KCNT2: variants seen among roughly 807,000 people sequenced by gnomAD.
KCNT2 encodes the protein potassium sodium-activated channel subfamily T member 2.
Under a neutral mutation model 153.8 loss-of-function variants are expected in KCNT2, and 67 were observed. That is an observed-to-expected ratio of 0.44 (90% CI 0.36 to 0.53). The LOEUF (loss-of-function observed/expected upper bound fraction) is 0.53, where lower values mean the gene tolerates loss of function less well. KCNT2 is among the 20% of genes least tolerant of loss of function. The pLI is 0.00. For missense variants in KCNT2, 975 were observed against 1,354.8 expected, an observed-to-expected ratio of 0.72 and a Z score of 4.40; for synonymous variants, 500 against 458.8, an observed-to-expected ratio of 1.09 and a Z score of -1.15.
intron 22 of KCNT2, among the ~76,000 whole-genome samples, chr1:196,298,853 A>C (rs1048097906): frequency 3.3e-5 from 5 of 149,554 alleles, no homozygotes; most frequent in Admixed American, 6.8e-5. Flanking sequence ...CACACAGAAA[A>C]TTACAAGGAG....
At chr1:196,581,985 C>G (rs898348894) in intron 1 of KCNT2, among the ~76,000 whole-genome samples, 1 of 152,062 alleles carries the variant, frequency 6.6e-6, no homozygotes, top group Non-Finnish European at 1.5e-5. Context: ...AATAATACTG[C>G]CAGTTCTTCA....
At chr1:196,444,049 C>T (rs947232551) in intron 8 of KCNT2, among the ~76,000 whole-genome samples, 1 of 151,196 alleles carries the variant, frequency 6.6e-6, no homozygotes, top group Non-Finnish European at 1.5e-5. Context: ...TGAGGAACTA[C>T]ATCATTTAAT....
chr1:196,367,781 T>C (rs186439024), intron 14 of KCNT2, among the ~76,000 whole-genome samples: 12 of 152,288 alleles, frequency 7.9e-5, no homozygotes, highest in Admixed American at 2.0e-4. Context: ...TGTTTCAGGA[T>C]GCTTGAGATA....
At chr1:196,465,978 A>G (rs191781896) in intron 7 of KCNT2, among the ~76,000 whole-genome samples, 1 of 152,200 alleles carries the variant, frequency 6.6e-6, no homozygotes, top group East Asian at 1.9e-4. Flanking sequence ...ACTGTTATGA[A>G]GACAAATAAC....
At chr1:196,303,852 C>A (rs1412533999) in intron 22 of KCNT2, among the ~76,000 whole-genome samples, 1 of 152,168 alleles carries the variant, frequency 6.6e-6, no homozygotes, top group Non-Finnish European at 1.5e-5. Flanking sequence ...GGAGGCTGTA[C>A]TACTACATCA....
rs10539910 is a variant in KCNT2, at chr1:196,508,189, C to CAAAAAAAAAAAAAAAAAAAAAAAATAA, written c.96-15849_96-15848insTTATTTTTTTTTTTTTTTTTTTTTTTT. 4.2e-4 allele frequency among the ~76,000 whole-genome samples: 25 copies of CAAAAAAAAAAAAAAAAAAAAAAAATAA among 59,982 alleles called. 1 individual carries two copies. Among genetic ancestry groups the CAAAAAAAAAAAAAAAAAAAAAAAATAA allele is most frequent in the South Asian group, 6.9e-4 (1 of 1,448 alleles). 39.4% of individuals were successfully genotyped at this position (59,982 alleles called of 152,430 possible). ...TCTTTTTAAATGGTTCCCTAAGTAG[C>CAAAAAAAAAAAAAAAAAAAAAAAATAA]AAAAAAAAAAAAAAAAAAAAAAAAG... On this transcript the variant is annotated intron_variant, in intron 1 of 27. Transcript: ENST00000294725.
At chr1:196,515,140 A>T (rs910922452) in intron 1 of KCNT2, among the ~76,000 whole-genome samples, 1 of 152,200 alleles carries the variant, frequency 6.6e-6, no homozygotes, top group African/African-American at 2.4e-5. Flanking sequence ...GACTATGAGG[A>T]TTCTGTTGTA....
chr1:196,316,325 C>CGAA (rs1662717365), intron 20 of KCNT2, among the ~76,000 whole-genome samples: 3 of 151,368 alleles, frequency 2.0e-5, no homozygotes, highest in African/African-American at 7.3e-5. Context: ...GGAATACATC[C>CGAA]ATTTTGCAAT....
intron 26 of KCNT2, among the ~76,000 whole-genome samples, chr1:196,240,872 T>C (rs1654888693): frequency 6.6e-6 from 1 of 152,036 alleles, no homozygotes. Context: ...TTTGATTGCT[T>C]TGTGGGAAAT....
At chr1:196,407,965 G>A (rs1671969973) in intron 12 of KCNT2, among the ~76,000 whole-genome samples, 1 of 151,160 alleles carries the variant, frequency 6.6e-6, no homozygotes, top group African/African-American at 2.4e-5. Flanking sequence ...CTGACTGTAG[G>A]CCTCTGACCT....
At position 196,287,419 on chromosome 1, in the gene KCNT2, T is replaced by G. The variant is rs77778339; in HGVS notation, c.2596-1661A>C. On this transcript the variant is annotated intron_variant, in intron 22 of 27. Coordinates refer to ENST00000294725, the MANE Select transcript of KCNT2 (RefSeq NM_198503.5). The stretch of plus-strand genomic sequence containing the variant: ...ATAAAGTGCTGGAACGCCTGAGAAT[T>G]TGATGTTACATTTACTCTTCAAAAC... 2.5e-3 allele frequency among the ~76,000 whole-genome samples: 371 copies of G among 151,350 alleles called. 1 individual carries two copies. The highest frequency in any genetic ancestry group is 8.3e-3 in the African/African-American group (339 of 40,918).
At chr1:196,355,047 A>T (rs12751007) in intron 14 of KCNT2, among the ~76,000 whole-genome samples, 1 of 151,872 alleles carries the variant, frequency 6.6e-6, no homozygotes, top group East Asian at 1.9e-4. Flanking sequence ...GTACGGGGGT[A>T]TGTGGGGTAC....
chr1:196,280,854 C>A lies in KCNT2; in HGVS notation c.2910+6G>T. On this transcript the variant is annotated splice_donor_region_variant and intron_variant, in intron 25 of 27. Transcript: ENST00000294725. ...TCAAAACAAGAATATTTTGTTATTT[C>A]CAAACCTCAGATGTAGTAAGTTTCT... is the stretch of plus-strand genomic sequence containing the variant. 1 of 1,610,956 alleles carries A rather than the reference C, an allele frequency of 6.2e-7. No individual in the cohort carries two copies. The highest frequency in any genetic ancestry group is 8.5e-7 in the Non-Finnish European group (1 of 1,177,598).
At chr1:196,538,784 C>G (rs1655951145) in intron 1 of KCNT2, among the ~76,000 whole-genome samples, 1 of 152,176 alleles carries the variant, frequency 6.6e-6, no homozygotes, top group South Asian at 2.1e-4. Context: ...TTCTGTTTTA[C>G]TAAATTATAA....
At chr1:196,433,008 G>T (rs1674294134) in intron 8 of KCNT2, among the ~76,000 whole-genome samples, 1 of 152,070 alleles carries the variant, frequency 6.6e-6, no homozygotes, top group Non-Finnish European at 1.5e-5. Flanking sequence ...GAGGTGATAA[G>T]TCATGAGGGT....
intron 26 of KCNT2, among the ~76,000 whole-genome samples, chr1:196,246,637 G>A (rs1655475075): frequency 6.6e-6 from 1 of 152,080 alleles, no homozygotes; most frequent in African/African-American, 2.4e-5. Flanking sequence ...TAAAGTTAAA[G>A]TGTAGAGTTT....
intron 13 of KCNT2, among the ~76,000 whole-genome samples, chr1:196,381,048 G>A (rs1001377167): frequency 6.6e-6 from 1 of 152,144 alleles, no homozygotes; most frequent in African/African-American, 2.4e-5. Flanking sequence ...CTTATTAAAT[G>A]CATAGAATCT....
chr1:196,398,469 A>G, intron 13 of KCNT2, 94 bp downstream of exon 13: 1 of 595,846 alleles, frequency 1.7e-6, no homozygotes, highest in Non-Finnish European at 3.0e-6. Flanking sequence ...AATCTTGAAT[A>G]CTTTAAGTTG....
intron 17 of KCNT2, among the ~76,000 whole-genome samples, chr1:196,332,057 T>C (rs893165344): frequency 5.9e-5 from 9 of 152,218 alleles, no homozygotes; most frequent in African/African-American, 2.2e-4. Context: ...CTTTATCCAA[T>C]AAGAAAGTGT....
Sources: allele counts gnomAD v4.1 joint callset (sites outside exome capture counted in the v4.1 genomes callset), GRCh38; gene constraint gnomAD v4.1.1; transcripts MANE v1.5; gene names NCBI Gene and HGNC (gene_info 2026-07-23, HGNC 2026-07-21).